The following TRPC4AP variants were observed in gnomAD, a reference collection of about 807,000 sequenced individuals.
TRPC4AP encodes the protein short transient receptor potential channel 4-associated protein.
In TRPC4AP, 45 loss-of-function variants were observed where a neutral mutation model predicts 99.0. That is an observed-to-expected ratio of 0.45 (90% CI 0.36 to 0.58). The LOEUF (loss-of-function observed/expected upper bound fraction) is 0.58, where lower values mean the gene tolerates loss of function less well. Ranked by LOEUF, TRPC4AP falls within the 20% of genes least tolerant of loss-of-function variation. The pLI is 0.00. For synonymous variants in TRPC4AP, 408 were observed against 385.8 expected, an observed-to-expected ratio of 1.06 and a Z score of -0.67; for missense variants, 879 against 985.3, an observed-to-expected ratio of 0.89 and a Z score of 1.44.
intron 11 of TRPC4AP, 118 bp downstream of exon 11, chr20:35,012,890 T>A (rs1334039759): frequency 2.0e-6 from 2 of 990,332 alleles, no homozygotes; most frequent in Non-Finnish European, 3.2e-6. Context: ...GAGGGGACAG[T>A]GGGCTTCCAC....
chr20:35,020,783 GCT>G (rs1173985790), intron 9 of TRPC4AP, among the ~76,000 whole-genome samples: 4 of 152,158 alleles, frequency 2.6e-5, no homozygotes, highest in African/African-American at 9.7e-5. Flanking sequence ...CACATCTGGA[GCT>G]CCCTGTACTT....
In TRPC4AP at chr20:35,003,108, C is replaced by T. The variant is rs2082427958; in HGVS notation, c.*38G>A. The T allele has an allele frequency of 1.9e-6, 3 of 1,612,186 alleles. No homozygotes were observed. Among genetic ancestry groups the T allele is most frequent in the African/African-American group, 2.7e-5 (2 of 75,048 alleles). ...GTGTGGCATCGTACCCACGCTCACC[C>T]ACACTGGCCCAGCAGCCTCCCGAGG... On this transcript the variant is annotated 3_prime_UTR_variant, in exon 19 of 19. Transcript: ENST00000252015.
rs1403118316 is a variant in TRPC4AP, at chr20:35,003,246, A to G, written c.2294T>C (p.Val765Ala). ...CCGGTCCGGGTTCAACAGGATGGAC[A>G]CTGTCTCCTTCCAGTATGAGAAGCT... Reference protein sequence around the residue: ...CISFSYWKETVSILLNPDRQS... With the variant: ...CISFSYWKETASILLNPDRQS... Residue 765 changes from valine (V) to alanine (A), a missense_variant, in exon 19 of 19, where the codon GTG (valine) becomes GCG (alanine). This residue lies in a region of TRPC4AP where 224 missense variants were observed against 264.7 expected (regional missense o/e 0.85). Coordinates refer to ENST00000252015, the MANE Select transcript of TRPC4AP (RefSeq NM_015638.3). 6.2e-7 allele frequency: 1 copy of G among 1,614,082 alleles called. No homozygotes were observed. Among genetic ancestry groups the G allele is most frequent in the African/African-American group, 1.3e-5 (1 of 74,950 alleles).
chr20:35,008,532 C>G (rs2082562038), intron 13 of TRPC4AP, 132 bp downstream of exon 13: 1 of 758,934 alleles, frequency 1.3e-6, no homozygotes, highest in African/African-American at 1.8e-5. Flanking sequence ...GCAGTCAAAC[C>G]ACCTCTCCCC....
rs144329476 is a variant in TRPC4AP at position 35,027,417 on chromosome 20, T to C, written c.1052-6061A>G. The stretch of plus-strand genomic sequence containing the variant: ...TTGGTCATGGTATACAATCCTTGTA[T>C]GTTGCTATACTTGGTGTGCTAGTAT... On this transcript the variant is annotated intron_variant, in intron 8 of 18. Coordinates refer to ENST00000252015, the MANE Select transcript of TRPC4AP (RefSeq NM_015638.3). 4.5e-3 allele frequency among the ~76,000 whole-genome samples: 690 copies of C among 152,348 alleles called. 3 individuals are homozygous for C. The highest frequency in any genetic ancestry group is 0.016 in the African/African-American group (662 of 41,568).
rs2082476235 is a variant in TRPC4AP, at chr20:35,004,509, C to T, written c.1998G>A (p.Met666Ile). 1.2e-6 allele frequency: 2 copies of T among 1,613,996 alleles called. No homozygotes were observed. The highest frequency in any genetic ancestry group is 1.3e-5 in the African/African-American group (1 of 74,952). The part of the protein sequence containing the change: ...LAYISQVPTQ[M>I]SFLFRLINII... ...TGTTGATGAGGCGGAAGAGGAAGGA[C>T]ATCTGCGTGGGCACCTGGGATATGT... Residue 666 changes from methionine to isoleucine, a missense_variant, in exon 17 of 19, where the codon ATG (methionine) becomes ATA (isoleucine). Met to Ile is a conservative substitution (Grantham distance 10). Coordinates refer to ENST00000252015, the MANE Select transcript of TRPC4AP (RefSeq NM_015638.3).
rs763188697 is a variant in TRPC4AP, at chr20:35,003,389, C to T, written c.2256+21G>A. Reference sequence around the variant, plus strand: ...TGGGTCCGCGGCCCACCCATCACCCCCTTGAGGGTGGGGCACTCACGTTCT... The same window carrying T: ...TGGGTCCGCGGCCCACCCATCACCCTCTTGAGGGTGGGGCACTCACGTTCT... On this transcript the variant is annotated intron_variant, in intron 18 of 18. Transcript: ENST00000252015. The T allele has an allele frequency of 3.3e-6, 5 of 1,532,514 alleles. No individual in the cohort carries two copies. The South Asian group carries it at 3.4e-5, about 10-fold the overall frequency. 94.9% of individuals were successfully genotyped at this position (1,532,514 alleles called of 1,614,324 possible).
At chr20:35,060,303 T>C (rs1035596168) in intron 3 of TRPC4AP, among the ~76,000 whole-genome samples, 2 of 152,158 alleles carry the variant, frequency 1.3e-5, no homozygotes, top group African/African-American at 2.4e-5. Flanking sequence ...AAAAGGATTA[T>C]ACTCCACGCA....
intron 3 of TRPC4AP, 92 bp from the exon 4 acceptor site, chr20:35,057,663 G>A: frequency 9.7e-7 from 1 of 1,032,716 alleles, no homozygotes; most frequent in Non-Finnish European, 1.5e-6. Context: ...CCATGTATCT[G>A]TCACAGTATT....
intron 2 of TRPC4AP, among the ~76,000 whole-genome samples, chr20:35,071,064 A>T (rs1173737733): frequency 9.2e-5 from 14 of 152,100 alleles, no homozygotes; most frequent in Non-Finnish European, 1.5e-4. Context: ...ATTTTTAAAC[A>T]AGTTTAAGAA....
At chr20:35,074,746 G>C (rs943619652) in intron 2 of TRPC4AP, among the ~76,000 whole-genome samples, 6 of 152,212 alleles carry the variant, frequency 3.9e-5, no homozygotes, top group African/African-American at 1.4e-4. Context: ...TGTATATTCT[G>C]TTGATTTGGG....
chr20:35,020,574 T>A (rs990362765), intron 9 of TRPC4AP, among the ~76,000 whole-genome samples: 5 of 152,150 alleles, frequency 3.3e-5, no homozygotes, highest in Non-Finnish European at 5.9e-5. Flanking sequence ...CTCAGAAAGA[T>A]GTGGAAGGAC....
chr20:35,057,636 C>A, intron 3 of TRPC4AP, 65 bp from the exon 4 acceptor site: 1 of 1,385,392 alleles, frequency 7.2e-7, no homozygotes. Context: ...AATGATTTTG[C>A]CATAACCATT....
intron 9 of TRPC4AP, among the ~76,000 whole-genome samples, chr20:35,020,290 TCACTCAGAGTAAAAAC>T (rs2082854741): frequency 1.3e-5 from 2 of 152,158 alleles, no homozygotes; most frequent in Non-Finnish European, 2.9e-5. Context: ...ACTTCTCACT[TCACTCAGAGTAAAAAC>T]CAAAGTCTTT....
chr20:35,010,440 G>T, intron 11 of TRPC4AP, 152 bp from the exon 12 acceptor site: 1 of 638,248 alleles, frequency 1.6e-6, no homozygotes, highest in Non-Finnish European at 2.8e-6. Context: ...ACTCCAGCCA[G>T]CACCTGCAGG....
chr20:35,062,495 C>T (rs2084031636), intron 3 of TRPC4AP, among the ~76,000 whole-genome samples: 1 of 152,034 alleles, frequency 6.6e-6, no homozygotes, highest in African/African-American at 2.4e-5. Context: ...TATTTCTTGA[C>T]AATAAAAAGG....
At chr20:35,004,360 C>T (rs2082470791) in intron 17 of TRPC4AP, 98 bp downstream of exon 17, 4 of 1,004,964 alleles carry the variant, frequency 4.0e-6, no homozygotes, top group Non-Finnish European at 6.1e-6. Context: ...TCCAGAGACG[C>T]ACTTCTGGAG....
At chr20:35,037,086 C>T (rs2083335552) in intron 7 of TRPC4AP, among the ~76,000 whole-genome samples, 1 of 152,158 alleles carries the variant, frequency 6.6e-6, no homozygotes, top group Admixed American at 6.5e-5. Context: ...GTGGCTCACG[C>T]CTGTAATCCC....
chr20:35,053,701 A>C (rs1029237838), intron 5 of TRPC4AP, among the ~76,000 whole-genome samples: 2 of 152,362 alleles, frequency 1.3e-5, no homozygotes, highest in South Asian at 2.1e-4. Context: ...TTGAGAGCTC[A>C]ATACGAAAAA....
Sources: gnomAD v4.1 joint callset for allele counts (sites outside exome capture counted in the v4.1 genomes callset) on GRCh38, gnomAD v4.1.1 for gene constraint, gnomAD v4.1.1 regional missense constraint, MANE v1.5 for transcripts, NCBI Gene and HGNC (gene_info 2026-07-23, HGNC 2026-07-21) for gene names.